The following STX8 variants were observed in gnomAD, a reference collection of about 807,000 sequenced individuals.
STX8 encodes syntaxin 8.
In STX8, 23 loss-of-function variants were observed where a neutral mutation model predicts 37.5. The observed-to-expected ratio is 0.61, with a 90% CI of 0.44 to 0.87. The LOEUF is 0.87. Among genes scored for constraint, STX8 ranks in the 40% least tolerant of loss-of-function variants. The probability of loss-of-function intolerance (pLI) is 0.00; values close to 1 mark genes in which losing one functional copy is unlikely to be tolerated. For synonymous variants in STX8, 115 were observed against 99.1 expected (o/e 1.16, Z -0.95); for missense variants, 313 against 284.7 (o/e 1.10, Z -0.71).
chr17:9,531,880 T>C (rs1311180262), intron 4 of STX8, among the ~76,000 whole-genome samples: 1 of 152,162 alleles, frequency 6.6e-6, no homozygotes, highest in Non-Finnish European at 1.5e-5. Flanking sequence ...GATTTTTCTT[T>C]GTTGTCTAGC....
At chr17:9,415,073 G>A (rs949053977) in intron 6 of STX8, among the ~76,000 whole-genome samples, 1 of 152,048 alleles carries the variant, frequency 6.6e-6, no homozygotes, top group African/African-American at 2.4e-5. Flanking sequence ...TTATAGGTGT[G>A]AGCCACCACG....
chr17:9,549,512 G>A (rs975322158), intron 3 of STX8, among the ~76,000 whole-genome samples: 6 of 152,140 alleles, frequency 3.9e-5, no homozygotes, highest in African/African-American at 1.4e-4. Flanking sequence ...CCTAGCTCAT[G>A]GCTTTTCCAC....
intron 6 of STX8, among the ~76,000 whole-genome samples, chr17:9,407,927 G>C (rs951719158): frequency 5.9e-5 from 9 of 152,120 alleles, no homozygotes; most frequent in African/African-American, 2.2e-4. Flanking sequence ...GGAAAAAGAA[G>C]GTCTAGCTAT....
intron 6 of STX8, among the ~76,000 whole-genome samples, chr17:9,400,018 T>G (rs1012054497): frequency 2.0e-5 from 3 of 152,258 alleles, no homozygotes; most frequent in Middle Eastern, 3.4e-3. Flanking sequence ...CAGTTGAGTG[T>G]GCCTGTATGT....
In STX8 at chr17:9,562,324, T is replaced by A. The variant is rs1437025649; in HGVS notation, c.118-4796A>T. ...GGGAGGCTGAGGCAGGAGAATGGCGTGAACCCGGGAGGCGGAGCTTGAAGT... is the reference window on the plus strand; with the variant it reads ...GGGAGGCTGAGGCAGGAGAATGGCGAGAACCCGGGAGGCGGAGCTTGAAGT... On this transcript the variant is annotated intron_variant, in intron 2 of 7. Coordinates refer to ENST00000306357, the MANE Select transcript of STX8 (RefSeq NM_004853.3). Among the ~76,000 whole-genome samples the A allele has an allele frequency of 1.3e-5, 2 of 151,030 alleles. 1 individual carries two copies. The highest frequency in any genetic ancestry group is 3.9e-4 in the East Asian group (2 of 5,138).
rs568107287 is a variant in STX8 at position 9,367,177 on chromosome 17, T to C, written c.643+11375A>G. Among the ~76,000 whole-genome samples the C allele has an allele frequency of 2.0e-5, 3 of 152,168 alleles. No individual in the cohort carries two copies. The South Asian group carries it at 6.2e-4, about 32-fold the overall frequency. On this transcript the variant is annotated intron_variant, in intron 7 of 7. Coordinates refer to ENST00000306357, the MANE Select transcript of STX8 (RefSeq NM_004853.3). ...TGTGGGTTTTTGTTTTTTTTGTTTT[T>C]TTTTTTTTGGTTTTGCTTTTTTTCC...
At chr17:9,446,954 C>T (rs942203754) in intron 6 of STX8, among the ~76,000 whole-genome samples, 1 of 152,122 alleles carries the variant, frequency 6.6e-6, no homozygotes, top group East Asian at 1.9e-4. Flanking sequence ...TTTAAGATTT[C>T]TATTTTTTGG....
Position 9,463,139 on chromosome 17 carries a change from G to A in STX8, c.541+28690C>T, listed in dbSNP as rs542963536. ...CATCCCTATGCCTAGCTGGCCTCAT[G>A]GTTTACAGCTTGAGCAGATTCACCT... On this transcript the variant is annotated intron_variant, in intron 6 of 7. Coordinates refer to ENST00000306357, the MANE Select transcript of STX8 (RefSeq NM_004853.3). 2.6e-5 allele frequency among the ~76,000 whole-genome samples: 4 copies of A among 152,312 alleles called. No individual in the cohort carries two copies. The East Asian group carries it at 5.8e-4, about 22-fold the overall frequency.
Position 9,575,780 on chromosome 17 carries a change from C to T in STX8, c.17+12G>A, listed in dbSNP as rs1260654464. On this transcript the variant is annotated intron_variant, in intron 1 of 7. Transcript: ENST00000306357. ...GTCCCTCCACGCACCGCCGCCCTCA[C>T]CCGGGACTCACCAGGGGTCCGGTGC... The T allele has an allele frequency of 1.3e-6, 2 of 1,546,028 alleles. No homozygotes were observed. Among genetic ancestry groups the T allele is most frequent in the Admixed American group, 2.0e-5 (1 of 51,034 alleles).
intron 6 of STX8, among the ~76,000 whole-genome samples, chr17:9,394,156 G>A (rs887111953): frequency 2.0e-5 from 3 of 152,082 alleles, no homozygotes; most frequent in South Asian, 2.1e-4. Flanking sequence ...AGAGGGCAGC[G>A]CCGCAAGGAA....
intron 7 of STX8, among the ~76,000 whole-genome samples, chr17:9,351,163 G>A (rs1035442875): frequency 2.0e-5 from 3 of 148,466 alleles, no homozygotes; most frequent in African/African-American, 7.4e-5. Context: ...TAATAATGTA[G>A]TGATTTCCTT....
At chr17:9,348,977 T>C (rs1597618344) in intron 7 of STX8, among the ~76,000 whole-genome samples, 1 of 152,192 alleles carries the variant, frequency 6.6e-6, no homozygotes, top group East Asian at 1.9e-4. Context: ...TTTTTTCCTA[T>C]ACATACATAC....
At chr17:9,426,028 A>G in intron 6 of STX8, among the ~76,000 whole-genome samples, 1 of 150,746 alleles carries the variant, frequency 6.6e-6, no homozygotes, top group Non-Finnish European at 1.5e-5. Context: ...GCCAACCACT[A>G]AAAAGCACCC....
Position 9,415,726 on chromosome 17 carries a change from G to A in STX8, c.542-37073C>T, listed in dbSNP as rs139621328. On this transcript the variant is annotated intron_variant, in intron 6 of 7. Transcript: ENST00000306357. ...GGAGCTTGCAGTGAGCCAAGATTGCGCCACTGCACTCCAGCCTGACTGACA... is the reference window on the plus strand; with the variant it reads ...GGAGCTTGCAGTGAGCCAAGATTGCACCACTGCACTCCAGCCTGACTGACA... Among the ~76,000 whole-genome samples, 569 of 152,190 alleles carry A rather than the reference G, an allele frequency of 3.7e-3. 5 individuals carry two copies. Among genetic ancestry groups the A allele is most frequent in the African/African-American group, 0.012 (519 of 41,532 alleles).
intron 7 of STX8, among the ~76,000 whole-genome samples, chr17:9,303,308 C>T (rs1380658004): frequency 6.6e-6 from 1 of 152,028 alleles, no homozygotes; most frequent in Non-Finnish European, 1.5e-5. Flanking sequence ...AAATAAATAA[C>T]CCTAGGAAGA....
At position 9,250,515 on chromosome 17, in the gene STX8, A is replaced by C; in HGVS notation, c.*63T>G. ...TATTGAGAGCAGGTTTTGCGTACCA[A>C]AAGGGTGTTGGGCTTGCATCTGTCA... On this transcript the variant is annotated 3_prime_UTR_variant, in exon 8 of 8. Transcript: ENST00000306357. The C allele has an allele frequency of 2.1e-6, 3 of 1,448,712 alleles. No individual in the cohort carries two copies. Among genetic ancestry groups the C allele is most frequent in the Non-Finnish European group, 2.9e-6 (3 of 1,051,482 alleles). 89.7% of individuals were successfully genotyped at this position (1,448,712 alleles called of 1,614,324 possible).
rs1904891988 is a variant in STX8, at chr17:9,507,737, C to A, written c.324-2575G>T. Among the ~76,000 whole-genome samples the A allele has an allele frequency of 6.6e-6, 1 of 152,222 alleles. No homozygotes were observed. Among genetic ancestry groups the A allele is most frequent in the Non-Finnish European group, 1.5e-5 (1 of 68,040 alleles). On this transcript the variant is annotated intron_variant, in intron 4 of 7. Transcript: ENST00000306357. This position sits in a 1 kb window ranked among gnomAD's most constrained non-coding sequence, Gnocchi z 4.0. ...GACCTGACAAATAGCCCGGTGAACA[C>A]ATCCCTGGCAAAGTCATGCCACCAC...
intron 7 of STX8, among the ~76,000 whole-genome samples, chr17:9,285,815 T>C (rs746952000): frequency 2.0e-5 from 3 of 152,236 alleles, no homozygotes; most frequent in Non-Finnish European, 4.4e-5. Context: ...AATAAACCTG[T>C]CTTCACATAC....
chr17:9,472,927 T>C (rs1905935956), intron 6 of STX8, among the ~76,000 whole-genome samples: 1 of 152,270 alleles, frequency 6.6e-6, no homozygotes, highest in South Asian at 2.1e-4. Flanking sequence ...AGGGAGGAAC[T>C]AGGGCAGAAG....
Sources: allele counts gnomAD v4.1 joint callset (sites outside exome capture counted in the v4.1 genomes callset), GRCh38; gene constraint gnomAD v4.1.1; non-coding constraint Gnocchi (gnomAD v3.1); transcripts MANE v1.5; gene names NCBI Gene and HGNC (gene_info 2026-07-23, HGNC 2026-07-21).